STAB2: variants seen among roughly 807,000 people sequenced by gnomAD.
STAB2 encodes stabilin-2.
STAB2 carries 288 observed loss-of-function variants against 338.1 expected under a neutral mutation model. That is an observed-to-expected ratio of 0.85 (90% CI 0.77 to 0.94). STAB2 has a LOEUF of 0.94. Among genes scored for constraint, STAB2 ranks in the 40% least tolerant of loss-of-function variants. The pLI is 0.00. For missense variants in STAB2, 3,141 were observed against 3,210.1 expected, an observed-to-expected ratio of 0.98 and a Z score of 0.52; for synonymous variants, 1,202 against 1,193.3, an observed-to-expected ratio of 1.01 and a Z score of -0.15.
chr12:103,656,549 C>T (rs897368422), intron 15 of STAB2, among the ~76,000 whole-genome samples: 3 of 152,174 alleles, frequency 2.0e-5, no homozygotes, highest in Non-Finnish European at 4.4e-5. Flanking sequence ...CAGATAGCCC[C>T]AGCCCACACT....
At chr12:103,671,366 G>A (rs1038742638) in intron 22 of STAB2, among the ~76,000 whole-genome samples, 3 of 152,128 alleles carry the variant, frequency 2.0e-5, no homozygotes, top group African/African-American at 7.2e-5. Flanking sequence ...GTAGGAGAAT[G>A]GTTGAACTCA....
chr12:103,626,825 C>T (rs1156697610), intron 5 of STAB2, among the ~76,000 whole-genome samples: 1 of 152,176 alleles, frequency 6.6e-6, no homozygotes, highest in Non-Finnish European at 1.5e-5. Flanking sequence ...TCCTACCAGA[C>T]TGCTTGTTGG....
chr12:103,601,057 G>A (rs567897274), intron 3 of STAB2, among the ~76,000 whole-genome samples: 1 of 152,298 alleles, frequency 6.6e-6, no homozygotes, highest in Admixed American at 6.5e-5. Flanking sequence ...AAAATTACAA[G>A]CCAGAGCTGA....
chr12:103,737,505 C>G, intron 52 of STAB2, 129 bp from the exon 53 acceptor site: 2 of 993,578 alleles, frequency 2.0e-6, no homozygotes, highest in African/African-American at 3.3e-5. Context: ...TAAGTTCTTC[C>G]TGAGTCTTGC....
intron 19 of STAB2, among the ~76,000 whole-genome samples, chr12:103,667,409 A>G (rs1875216500): frequency 6.6e-6 from 1 of 152,198 alleles, no homozygotes; most frequent in Non-Finnish European, 1.5e-5. Context: ...TAACCAATGT[A>G]TGATTAGGGC....
At chr12:103,634,773 T>C (rs567139682) in intron 6 of STAB2, among the ~76,000 whole-genome samples, 130 of 152,368 alleles carry the variant, frequency 8.5e-4, no homozygotes, top group African/African-American at 3.0e-3. Context: ...GATCCAGATC[T>C]TTCCATCTTG....
intron 60 of STAB2, among the ~76,000 whole-genome samples, chr12:103,751,443 T>C (rs1436759490): frequency 1.3e-5 from 2 of 152,140 alleles, no homozygotes; most frequent in African/African-American, 4.8e-5. Flanking sequence ...GGCTCAGCCA[T>C]GACATAAAGT....
chr12:103,713,549 T>G, intron 41 of STAB2, 94 bp from the exon 42 acceptor site: 3 of 1,551,924 alleles, frequency 1.9e-6, no homozygotes, highest in African/African-American at 1.4e-5. Context: ...CAAGTAGTTT[T>G]GCAGTATGTT....
In STAB2 at chr12:103,711,536, CT is replaced by C. The variant is rs765452010; in HGVS notation, c.4334+21del. On this transcript the variant is annotated intron_variant, in intron 40 of 68. Coordinates refer to ENST00000388887, the MANE Select transcript of STAB2 (RefSeq NM_017564.10). ...CGCCAAGTAGGTAGCCCTGGGCCAC[CT>C]CTGGGGACAGTGTAAAGGGGATTTT... 1.4e-5 allele frequency: 23 copies of C among 1,613,880 alleles called. No homozygotes were observed. In the Admixed American group the frequency reaches 3.7e-4, roughly 26 times the overall value.
At chr12:103,734,189 CAAGCACGATCATAT>C (rs1881899064) in intron 51 of STAB2, among the ~76,000 whole-genome samples, 1 of 145,082 alleles carries the variant, frequency 6.9e-6, no homozygotes, top group Non-Finnish European at 1.5e-5. Context: ...CATATAGGAG[CAAGCACGATCATAT>C]AGGAGCAAGC....
chr12:103,762,812 A>G (rs1448006306), intron 67 of STAB2, among the ~76,000 whole-genome samples: 2 of 152,248 alleles, frequency 1.3e-5, no homozygotes, highest in Non-Finnish European at 2.9e-5. Context: ...GGGACCCTAC[A>G]CAGCCAGAGG....
intron 8 of STAB2, among the ~76,000 whole-genome samples, chr12:103,639,274 G>A (rs1166187242): frequency 6.6e-6 from 1 of 152,080 alleles, no homozygotes; most frequent in Admixed American, 6.5e-5. Flanking sequence ...TCCAAAGCAG[G>A]GTTTCTCTAC....
rs1394358805 is a variant in STAB2, at chr12:103,755,658, A to G, written c.6927A>G (p.Ser2309=). Residue 2309 remains serine (S), a synonymous_variant, in exon 63 of 69, where the codon TCA becomes TCG. Transcript: ENST00000388887. The stretch of plus-strand genomic sequence containing the variant: ...TGGGCTATGTGGGAGATGGCTTCTC[A>G]TGCAGTGGGAACCTGCTGCAGGTCC... The part of the protein sequence containing the change: ...CKVGYVGDGF[S]CSGNLLQVLM... 1.2e-6 allele frequency: 2 copies of G among 1,614,134 alleles called. No individual in the cohort carries two copies. The highest frequency in any genetic ancestry group is 4.5e-5 in the East Asian group (2 of 44,862).
intron 49 of STAB2, among the ~76,000 whole-genome samples, chr12:103,731,298 C>T (rs1244887990): frequency 6.6e-6 from 1 of 152,126 alleles, no homozygotes; most frequent in Non-Finnish European, 1.5e-5. Flanking sequence ...TTATTTCTTT[C>T]CACCAAGAAG....
At chr12:103,762,757 A>G (rs2139248763) in intron 67 of STAB2, among the ~76,000 whole-genome samples, 1 of 152,318 alleles carries the variant, frequency 6.6e-6, no homozygotes, top group Admixed American at 6.5e-5. Flanking sequence ...CCCATGACCT[A>G]GCTTGGGCTT....
intron 4 of STAB2, among the ~76,000 whole-genome samples, chr12:103,621,776 G>T (rs868053061): frequency 1.3e-5 from 2 of 152,176 alleles, no homozygotes; most frequent in African/African-American, 4.8e-5. Context: ...GGCAAAGTTG[G>T]GATATGGCTG....
chr12:103,744,209 T>G (rs1882813709), intron 56 of STAB2, among the ~76,000 whole-genome samples: 1 of 152,080 alleles, frequency 6.6e-6, no homozygotes, highest in Admixed American at 6.6e-5. Context: ...AGTGGCGGGA[T>G]TATGGCTCAC....
chr12:103,744,374 AC>A (rs1472358383), intron 56 of STAB2, among the ~76,000 whole-genome samples: 2 of 149,684 alleles, frequency 1.3e-5, no homozygotes. Context: ...CTGGTCTCAA[AC>A]TCCTGGCCTC....
intron 20 of STAB2, 196 bp from the exon 21 acceptor site, chr12:103,669,345 A>AG: frequency 1.7e-6 from 1 of 582,806 alleles, no homozygotes; most frequent in Non-Finnish European, 3.1e-6. Context: ...TCCAGCACCC[A>AG]GGGGAGGGGC....
Sources: allele counts gnomAD v4.1 joint callset (sites outside exome capture counted in the v4.1 genomes callset), GRCh38; gene constraint gnomAD v4.1.1; transcripts MANE v1.5; gene names NCBI Gene and HGNC (gene_info 2026-07-23, HGNC 2026-07-21).